The following MEAK7 variants were observed in gnomAD, a reference collection of about 807,000 sequenced individuals.
MEAK7 encodes MTOR associated protein MEAK7.
In MEAK7, 68 loss-of-function variants were observed where a neutral mutation model predicts 40.5. The observed-to-expected ratio is 1.68, with a 90% confidence interval of 1.38 to 2.06. The LOEUF (loss-of-function observed/expected upper bound fraction) is 2.06, where lower values mean the gene tolerates loss of function less well. MEAK7 is among the 30% of genes most tolerant of loss of function. The pLI is 0.00. For synonymous variants in MEAK7, 338 were observed against 231.9 expected, an observed-to-expected ratio of 1.46 and a Z score of -4.16; for missense variants, 918 against 580.5, an observed-to-expected ratio of 1.58 and a Z score of -5.98.
In MEAK7 at chr16:84,482,636, A is replaced by G. The variant is rs759876500; in HGVS notation, c.1033T>C (p.Tyr345His). The G allele has an allele frequency of 6.2e-7, 1 of 1,614,238 alleles. No individual in the cohort carries two copies. Among genetic ancestry groups the G allele is most frequent in the South Asian group, 1.1e-5 (1 of 91,090 alleles). The part of the protein sequence containing the change: ...VYTHTGYNDH[Y>H]MYLNHGQQTI... Reference sequence around the variant, plus strand: ...TGCTGTCCATGGTTCAAGTACATGTAGTGGTCGTTGTAGCCCGTGTGTGTG... The same window carrying G: ...TGCTGTCCATGGTTCAAGTACATGTGGTGGTCGTTGTAGCCCGTGTGTGTG... Residue 345 changes from tyrosine (Y) to histidine (H), a missense_variant, in exon 6 of 8, where the codon TAC (tyrosine) becomes CAC (histidine). Transcript: ENST00000343629.
chr16:84,480,226 C>G (rs1472470949), intron 7 of MEAK7, among the ~76,000 whole-genome samples, 200 bp from the exon 8 acceptor site: 1 of 152,114 alleles, frequency 6.6e-6, no homozygotes, highest in Admixed American at 6.5e-5. Flanking sequence ...GGTGCAGAAC[C>G]AGGGAAGCGG....
chr16:84,479,577 G>A lies in MEAK7; in HGVS notation c.*336C>T, dbSNP rs995446851. On this transcript the variant is annotated 3_prime_UTR_variant, in exon 8 of 8. Coordinates refer to ENST00000343629, the MANE Select transcript of MEAK7 (RefSeq NM_020947.4). ...GCGGAATTCCCTAATGCCAGCGGGGGTCTGAAAGGTCTCAGCTGCTTAGGA... is the reference window on the plus strand; with the variant it reads ...GCGGAATTCCCTAATGCCAGCGGGGATCTGAAAGGTCTCAGCTGCTTAGGA... 2.0e-5 allele frequency: 4 copies of A among 197,408 alleles called. No individual in the cohort carries two copies. The highest frequency in any genetic ancestry group is 4.1e-5 in the Non-Finnish European group (4 of 98,296). 12.2% of individuals were successfully genotyped at this position (197,408 alleles called of 1,614,324 possible).
chr16:84,486,189 G>C (rs969079604), intron 5 of MEAK7: 2 of 158,062 alleles, frequency 1.3e-5, no homozygotes, highest in South Asian at 1.9e-4. Context: ...GGAAGGAAAA[G>C]AATTTACTTA....
At chr16:84,490,483 T>C (rs1913489200) in intron 3 of MEAK7, among the ~76,000 whole-genome samples, 4 of 116,262 alleles carry the variant, frequency 3.4e-5, no homozygotes, top group Non-Finnish European at 5.0e-5. Context: ...TTTTTTTACC[T>C]CAACAGCCTG....
At chr16:84,500,506 C>G (rs1753941251) in intron 1 of MEAK7, among the ~76,000 whole-genome samples, 1 of 152,204 alleles carries the variant, frequency 6.6e-6, no homozygotes, top group African/African-American at 2.4e-5. Context: ...CTTTAACAGG[C>G]CTCACTGCTA....
rs891148673 is a variant in MEAK7, at chr16:84,477,048, T to G, written c.*2865A>C. ...CTAGGACCACAGGCATGTGTTACCATGCCTGGTTAATTTTCGTATTTTTTT... is the reference window on the plus strand; with the variant it reads ...CTAGGACCACAGGCATGTGTTACCAGGCCTGGTTAATTTTCGTATTTTTTT... On this transcript the variant is annotated 3_prime_UTR_variant, in exon 8 of 8. Transcript: ENST00000343629. The G allele has an allele frequency of 6.6e-6, 1 of 152,206 alleles. No homozygotes were observed. Among genetic ancestry groups the G allele is most frequent in the South Asian group, 2.1e-4 (1 of 4,826 alleles). 9.4% of individuals were successfully genotyped at this position (152,206 alleles called of 1,614,324 possible). A position where few individuals can be genotyped will look rare whatever the true frequency, so the allele number is the denominator to read the frequency against.
At chr16:84,480,757 C>G (rs1388757055) in intron 6 of MEAK7, 49 bp from the exon 7 acceptor site, 4 of 1,540,528 alleles carry the variant, frequency 2.6e-6, no homozygotes, top group Non-Finnish European at 3.5e-6. Context: ...TCCTCAGGGT[C>G]TGTGGACATC....
rs1046549394 is a variant in MEAK7 at position 84,480,696 on chromosome 16, G to A, written c.1090C>T (p.Gln364Ter). Residue 364 changes from glutamine to a stop codon, truncating the protein, a stop_gained, in exon 7 of 8, where the codon CAG becomes TAG. Coordinates refer to ENST00000343629, the MANE Select transcript of MEAK7 (RefSeq NM_020947.4). LOFTEE classifies it high-confidence loss of function. Reference protein sequence around the residue: ...TIPNGLGMGGQHNYFGLWVDV... With the variant: ...TIPNGLGMGG Reference sequence around the variant, plus strand: ...ACCCAAAGCCCAAAGTAATTGTGCTGCCCCCCCATACCCTGCAAAGGAAGC... The same window carrying A: ...ACCCAAAGCCCAAAGTAATTGTGCTACCCCCCCATACCCTGCAAAGGAAGC... 4.9e-5 allele frequency: 79 copies of A among 1,612,408 alleles called. No individual in the cohort carries two copies. The highest frequency in any genetic ancestry group is 6.2e-5 in the Non-Finnish European group (73 of 1,179,230).
chr16:84,483,674 G>A (rs761127926), intron 5 of MEAK7, among the ~76,000 whole-genome samples: 69 of 152,198 alleles, frequency 4.5e-4, no homozygotes, highest in Non-Finnish European at 8.1e-4. Context: ...GGCTGACACC[G>A]CCCAAGGCTC....
At chr16:84,497,268 C>A in intron 2 of MEAK7, 1 of 502,962 alleles carries the variant, frequency 2.0e-6, no homozygotes, top group Non-Finnish European at 3.2e-6. Flanking sequence ...TGCCTCAGTC[C>A]GAGCACTCAA....
At chr16:84,503,815 A>C in intron 1 of MEAK7, 1 of 499,172 alleles carries the variant, frequency 2.0e-6, no homozygotes, top group Non-Finnish European at 2.6e-6. Context: ...TCCCACTAGT[A>C]TCCTAGGAAT....
intron 3 of MEAK7, among the ~76,000 whole-genome samples, chr16:84,489,907 G>T: frequency 6.6e-6 from 1 of 152,210 alleles, no homozygotes; most frequent in Non-Finnish European, 1.5e-5. Flanking sequence ...TTCCAACAGG[G>T]AAGGGGAATT....
chr16:84,482,757 G>A (rs768086161), intron 5 of MEAK7, 47 bp from the exon 6 acceptor site: 17 of 1,607,456 alleles, frequency 1.1e-5, no homozygotes, highest in African/African-American at 4.0e-5. Context: ...TGTCTGAGCC[G>A]GTCCCACAGG....
chr16:84,497,595 G>T, intron 2 of MEAK7: 1 of 1,317,620 alleles, frequency 7.6e-7, no homozygotes, highest in South Asian at 1.2e-5. Context: ...TCTCAAGTTA[G>T]AAATGTCCCC....
At chr16:84,498,925 T>C (rs1339494236) in intron 1 of MEAK7, among the ~76,000 whole-genome samples, 1 of 152,070 alleles carries the variant, frequency 6.6e-6, no homozygotes, top group Non-Finnish European at 1.5e-5. Context: ...GGCAAGCTAC[T>C]AAAACGCTCT....
intron 5 of MEAK7, among the ~76,000 whole-genome samples, chr16:84,483,175 C>CA (rs1353066447): frequency 1.3e-5 from 2 of 152,354 alleles, no homozygotes; most frequent in East Asian, 3.9e-4. Flanking sequence ...AGAAAACCTG[C>CA]AGCTGCAGAG....
At position 84,479,058 on chromosome 16, in the gene MEAK7, C is replaced by T. The variant is rs187531643; in HGVS notation, c.*855G>A. ...AACTTTCCCATCTGTTCCTCACACACATTCATTTAAAAACAGCTGAGAGAG... is the reference window on the plus strand; with the variant it reads ...AACTTTCCCATCTGTTCCTCACACATATTCATTTAAAAACAGCTGAGAGAG... On this transcript the variant is annotated 3_prime_UTR_variant, in exon 8 of 8. Transcript: ENST00000343629. 7 of 152,358 alleles carry T rather than the reference C, an allele frequency of 4.6e-5. No homozygotes were observed. Among genetic ancestry groups the T allele is most frequent in the Admixed American group, 3.9e-4 (6 of 15,300 alleles). 9.4% of individuals were successfully genotyped at this position (152,358 alleles called of 1,614,324 possible).
At chr16:84,497,523 AGTCAGGAGGGAC>A (rs1914148742) in intron 2 of MEAK7, 1 of 1,290,378 alleles carries the variant, frequency 7.7e-7, no homozygotes, top group Non-Finnish European at 1.0e-6. Context: ...CTGGGAGGGC[AGTCAGGAGGGAC>A]GTGGTTCAAG....
In MEAK7 at chr16:84,478,405, C is replaced by T. The variant is rs561303656; in HGVS notation, c.*1508G>A. On this transcript the variant is annotated 3_prime_UTR_variant, in exon 8 of 8. Coordinates refer to ENST00000343629, the MANE Select transcript of MEAK7 (RefSeq NM_020947.4). ...TTGCTAAGTGGAAGGTTTGATGAAC[C>T]TCCCAGTAGAAAATGCAAGGCCTGC... The T allele has an allele frequency of 6.6e-6, 1 of 152,212 alleles. No homozygotes were observed. 9.4% of individuals were successfully genotyped at this position (152,212 alleles called of 1,614,324 possible). A position where few individuals can be genotyped will look rare whatever the true frequency, so the allele number is the denominator to read the frequency against.
Sources: allele counts gnomAD v4.1 joint callset (sites outside exome capture counted in the v4.1 genomes callset), GRCh38; gene constraint gnomAD v4.1.1; transcripts MANE v1.5; gene names NCBI Gene and HGNC (gene_info 2026-07-23, HGNC 2026-07-21).